The following SGCZ variants were observed in gnomAD, a reference collection of about 807,000 sequenced individuals.
The protein encoded by SGCZ is zeta-sarcoglycan.
SGCZ carries 40 observed loss-of-function variants against 41.3 expected under a neutral mutation model. The observed-to-expected ratio is 0.97, with a 90% CI of 0.75 to 1.26. SGCZ has a LOEUF of 1.26. Ranked by LOEUF, SGCZ falls within the 50% of genes most tolerant of loss-of-function variation. The pLI, the probability that SGCZ is intolerant of heterozygous loss-of-function variation, is 0.00. For missense variants in SGCZ, 552 were observed against 369.8 expected (o/e 1.49, Z -4.04); for synonymous variants, 206 against 137.5 (o/e 1.50, Z -3.49).
chr8:14,225,924 GAAAT>G (rs1274070728), intron 4 of SGCZ, among the ~76,000 whole-genome samples: 1 of 152,008 alleles, frequency 6.6e-6, no homozygotes, highest in Non-Finnish European at 1.5e-5. Flanking sequence ...ACCTCTGAAA[GAAAT>G]AAAGTTACAC....
At chr8:14,978,520 C>A (rs1418370568) in intron 1 of SGCZ, among the ~76,000 whole-genome samples, 1 of 135,340 alleles carries the variant, frequency 7.4e-6, no homozygotes, top group African/African-American at 2.9e-5. Flanking sequence ...TATCTGCTTG[C>A]ATTTGGTGTA....
chr8:14,603,916 C>G (rs978793327), intron 1 of SGCZ, among the ~76,000 whole-genome samples: 27 of 151,930 alleles, frequency 1.8e-4, no homozygotes, highest in African/African-American at 6.3e-4. Flanking sequence ...TATGCTTGAC[C>G]CGCTGATCTT....
intron 2 of SGCZ, among the ~76,000 whole-genome samples, chr8:14,415,710 G>C (rs566398474): frequency 1.3e-5 from 2 of 151,838 alleles, no homozygotes; most frequent in African/African-American, 4.8e-5. Flanking sequence ...TATTTCCTTG[G>C]AATAACAGTT....
At chr8:14,483,377 C>A (rs1033860296) in intron 2 of SGCZ, among the ~76,000 whole-genome samples, 1 of 152,104 alleles carries the variant, frequency 6.6e-6, no homozygotes, top group Non-Finnish European at 1.5e-5. Flanking sequence ...TGTGACCAGC[C>A]TGAGCAATAC....
At chr8:14,654,354 C>T (rs1034867509) in intron 1 of SGCZ, among the ~76,000 whole-genome samples, 5 of 152,002 alleles carry the variant, frequency 3.3e-5, no homozygotes, top group African/African-American at 1.2e-4. Flanking sequence ...AGGCTGCTCA[C>T]TGTGCCTCAT....
At chr8:14,166,463 G>C (rs1804213796) in intron 4 of SGCZ, among the ~76,000 whole-genome samples, 1 of 152,106 alleles carries the variant, frequency 6.6e-6, no homozygotes, top group South Asian at 2.1e-4. Context: ...AGAGGCCAAT[G>C]TGTTAATACA....
chr8:15,004,537 T>C (rs1802534211), intron 1 of SGCZ, among the ~76,000 whole-genome samples: 1 of 152,184 alleles, frequency 6.6e-6, no homozygotes, highest in African/African-American at 2.4e-5. Flanking sequence ...AAAAACCCAA[T>C]GCAGAACTCC....
rs551627923 is a variant in SGCZ at position 14,665,161 on chromosome 8, C to A, written c.40-110235G>T. Among the ~76,000 whole-genome samples the A allele has an allele frequency of 9.3e-4, 141 of 152,216 alleles. 2 individuals carry two copies. In the Middle Eastern group the frequency reaches 0.027, roughly 29 times the overall value. On this transcript the variant is annotated intron_variant, in intron 1 of 7. Coordinates refer to ENST00000382080, the MANE Select transcript of SGCZ (RefSeq NM_139167.4). ...ATATCTCCTAATGCTATCCCTCCCC[C>A]CTCTCCCCACCCCACAACAGGCCCC...
chr8:14,285,622 A>G (rs143765485), intron 3 of SGCZ, among the ~76,000 whole-genome samples: 112 of 152,278 alleles, frequency 7.4e-4, no homozygotes, highest in African/African-American at 2.5e-3. Flanking sequence ...TAGAGAAAAC[A>G]GACCTAGATA....
intron 4 of SGCZ, among the ~76,000 whole-genome samples, chr8:14,168,321 T>A: frequency 6.6e-6 from 1 of 151,632 alleles, no homozygotes; most frequent in South Asian, 2.1e-4. Flanking sequence ...GCTGCTTTCA[T>A]GAAATATAAA....
chr8:15,000,554 A>T (rs1802380512), intron 1 of SGCZ, among the ~76,000 whole-genome samples: 1 of 152,186 alleles, frequency 6.6e-6, no homozygotes, highest in African/African-American at 2.4e-5. Context: ...TGAGTGCCCC[A>T]GGAACCAGGG....
intron 1 of SGCZ, among the ~76,000 whole-genome samples, chr8:14,888,358 G>T (rs917383607): frequency 2.0e-5 from 3 of 152,004 alleles, no homozygotes; most frequent in African/African-American, 7.2e-5. Context: ...TTATTTATTA[G>T]GGCCATACGT....
At chr8:14,920,886 T>A (rs1443717120) in intron 1 of SGCZ, among the ~76,000 whole-genome samples, 1 of 152,196 alleles carries the variant, frequency 6.6e-6, no homozygotes, top group Non-Finnish European at 1.5e-5. Context: ...GGGCACCGCA[T>A]GCCTGAACCA....
intron 1 of SGCZ, among the ~76,000 whole-genome samples, chr8:14,566,398 C>T (rs1804360827): frequency 6.7e-6 from 1 of 148,532 alleles, no homozygotes; most frequent in African/African-American, 2.4e-5. Context: ...GTGGGTAGAT[C>T]TCTCCATCCC....
chr8:14,975,789 T>TTATATATATA (rs371834276), intron 1 of SGCZ, among the ~76,000 whole-genome samples: 5 of 125,430 alleles, frequency 4.0e-5, no homozygotes, highest in South Asian at 2.7e-4. Context: ...TTTTCCACTT[T>TTATATATATA]TATATATATA....
rs73519033 is a variant in SGCZ, at chr8:14,972,154, C to T, written c.39+265431G>A. ...TGATAGAACTCTTCAGTAAATGATA[C>T]GGAGTTTGCCTTTCAAATTTTTAAA... On this transcript the variant is annotated intron_variant, in intron 1 of 7. Coordinates refer to ENST00000382080, the MANE Select transcript of SGCZ (RefSeq NM_139167.4). Among the ~76,000 whole-genome samples the T allele has an allele frequency of 5.7e-3, 867 of 152,086 alleles. 11 individuals are homozygous for T. Among genetic ancestry groups the T allele is most frequent in the African/African-American group, 0.02 (814 of 41,520 alleles).
chr8:14,254,286 A>G (rs894403530), intron 3 of SGCZ, among the ~76,000 whole-genome samples: 2 of 152,192 alleles, frequency 1.3e-5, no homozygotes, highest in African/African-American at 4.8e-5. Flanking sequence ...TTACACAGAA[A>G]AATATTTTCC....
At position 14,558,602 on chromosome 8, in the gene SGCZ, GAGAGAGAGA is replaced by G. The variant is rs768760919; in HGVS notation, c.40-3685_40-3677del. Among the ~76,000 whole-genome samples the G allele has an allele frequency of 3.5e-4, 52 of 150,660 alleles. 1 individual carries two copies. Among genetic ancestry groups the G allele is most frequent in the African/African-American group, 1.2e-3 (49 of 40,684 alleles). On this transcript the variant is annotated intron_variant, in intron 1 of 7. Coordinates refer to ENST00000382080, the MANE Select transcript of SGCZ (RefSeq NM_139167.4). The stretch of plus-strand genomic sequence containing the variant: ...AGAGAGAGAGAGAGAGAGAGAGAGA[GAGAGAGAGA>G]GAATCTTCCATAAATAATTATATGA...
chr8:15,062,166 A>G (rs1804962870), intron 1 of SGCZ, among the ~76,000 whole-genome samples: 1 of 152,150 alleles, frequency 6.6e-6, no homozygotes, highest in Non-Finnish European at 1.5e-5. Context: ...CCCCTTTATA[A>G]GAACTACTCT....
Sources: gnomAD v4.1 joint callset for allele counts (sites outside exome capture counted in the v4.1 genomes callset) on GRCh38, gnomAD v4.1.1 for gene constraint, MANE v1.5 for transcripts, NCBI Gene and HGNC (gene_info 2026-07-23, HGNC 2026-07-21) for gene names.